The following SGCZ variants were observed in gnomAD, a reference collection of about 807,000 sequenced individuals.
The protein encoded by SGCZ is zeta-sarcoglycan.
A neutral mutation model predicts 41.3 loss-of-function variants in SGCZ; 40 were observed. The ratio of observed to expected loss-of-function variants is 0.97; its 90% CI spans 0.75 to 1.26. The LOEUF (loss-of-function observed/expected upper bound fraction) is 1.26, where lower values mean the gene tolerates loss of function less well. Among genes scored for constraint, SGCZ ranks in the 50% most tolerant of loss-of-function variants. The pLI, the probability that SGCZ is intolerant of heterozygous loss-of-function variation, is 0.00. For missense variants in SGCZ, 552 were observed against 369.8 expected (o/e 1.49, Z -4.04); for synonymous variants, 206 against 137.5 (o/e 1.50, Z -3.49).
intron 5 of SGCZ, among the ~76,000 whole-genome samples, chr8:14,159,789 T>G (rs1306773769): frequency 6.6e-6 from 1 of 152,106 alleles, no homozygotes; most frequent in Admixed American, 6.6e-5. Flanking sequence ...AATAGAAAGG[T>G]TGAGTCCAAA....
At chr8:14,436,350 G>A (rs914678052) in intron 2 of SGCZ, among the ~76,000 whole-genome samples, 1 of 152,126 alleles carries the variant, frequency 6.6e-6, no homozygotes, top group African/African-American at 2.4e-5. Context: ...TAAGGTTTGT[G>A]TTCTTTGTTC....
chr8:14,458,665 C>T (rs564783707), intron 2 of SGCZ, among the ~76,000 whole-genome samples: 170 of 152,208 alleles, frequency 1.1e-3, no homozygotes, highest in Non-Finnish European at 2.1e-3. Flanking sequence ...CTCTATCTAG[C>T]AACATATGGA....
intron 3 of SGCZ, among the ~76,000 whole-genome samples, chr8:14,288,600 A>C (rs1469629433): frequency 2.6e-5 from 4 of 152,166 alleles, no homozygotes; most frequent in African/African-American, 9.6e-5. Flanking sequence ...TTGAAATGCC[A>C]TATTATGTAA....
At chr8:15,186,027 T>C (rs996380695) in intron 1 of SGCZ, among the ~76,000 whole-genome samples, 2 of 150,522 alleles carry the variant, frequency 1.3e-5, no homozygotes, top group Admixed American at 6.6e-5. Flanking sequence ...GATGAGACCA[T>C]CCTGGCTAAC....
intron 4 of SGCZ, among the ~76,000 whole-genome samples, chr8:14,211,595 TA>T: frequency 6.6e-6 from 1 of 151,884 alleles, no homozygotes; most frequent in Non-Finnish European, 1.5e-5. Context: ...TCAGGAAACT[TA>T]AAATCATGGC....
At chr8:14,101,880 A>G (rs1802031870) in intron 7 of SGCZ, among the ~76,000 whole-genome samples, 1 of 151,404 alleles carries the variant, frequency 6.6e-6, no homozygotes, top group African/African-American at 2.4e-5. Context: ...TTACACAAAT[A>G]TGTACTTTTG....
At chr8:14,435,060 A>G (rs73188360) in intron 2 of SGCZ, among the ~76,000 whole-genome samples, 72,702 of 152,008 alleles carry the variant, frequency 0.48, 19,042 homozygotes, top group Non-Finnish European at 0.59. Context: ...AATTAGAATG[A>G]TGTATTTTGC....
chr8:14,481,335 C>G (rs910606983), intron 2 of SGCZ, among the ~76,000 whole-genome samples: 1 of 152,108 alleles, frequency 6.6e-6, no homozygotes, highest in African/African-American at 2.4e-5. Context: ...TCATACATGA[C>G]TTATAAGTAA....
At chr8:14,352,453 G>A (rs61599929) in intron 2 of SGCZ, among the ~76,000 whole-genome samples, 7 of 152,148 alleles carry the variant, frequency 4.6e-5, no homozygotes, top group African/African-American at 1.2e-4. Context: ...TAAAAGCCAA[G>A]AAAATTTGAC....
At chr8:14,442,915 C>G (rs374921529) in intron 2 of SGCZ, among the ~76,000 whole-genome samples, 2 of 152,036 alleles carry the variant, frequency 1.3e-5, no homozygotes, top group Non-Finnish European at 2.9e-5. Flanking sequence ...AAAACCCCAT[C>G]GTCTCAGCCC....
chr8:14,687,558 T>C (rs931995525), intron 1 of SGCZ, among the ~76,000 whole-genome samples: 4 of 151,814 alleles, frequency 2.6e-5, no homozygotes, highest in African/African-American at 9.7e-5. Flanking sequence ...TATTCCATGG[T>C]GTATATGTGC....
intron 7 of SGCZ, among the ~76,000 whole-genome samples, chr8:14,101,517 G>T (rs544170318): frequency 6.6e-6 from 1 of 152,180 alleles, no homozygotes; most frequent in Non-Finnish European, 1.5e-5. Flanking sequence ...CAATGACAAA[G>T]TATTATTTAA....
chr8:14,664,447 T>G (rs984780117), intron 1 of SGCZ, among the ~76,000 whole-genome samples: 1 of 152,192 alleles, frequency 6.6e-6, no homozygotes, highest in Non-Finnish European at 1.5e-5. Context: ...TTTAATTCGA[T>G]TGCATGAATT....
At chr8:14,982,224 C>T (rs766166759) in intron 1 of SGCZ, among the ~76,000 whole-genome samples, 15 of 151,530 alleles carry the variant, frequency 9.9e-5, no homozygotes, top group Non-Finnish European at 1.9e-4. Flanking sequence ...ATCATTTTTG[C>T]TGGACATTAG....
intron 2 of SGCZ, among the ~76,000 whole-genome samples, chr8:14,356,142 G>T (rs967038232): frequency 6.6e-6 from 1 of 152,128 alleles, no homozygotes. Flanking sequence ...GCAAGATTTT[G>T]CCCAACTGTA....
intron 2 of SGCZ, among the ~76,000 whole-genome samples, chr8:14,383,959 T>C (rs2117198623): frequency 6.6e-6 from 1 of 152,050 alleles, no homozygotes; most frequent in Non-Finnish European, 1.5e-5. Flanking sequence ...TTTCTTTTTT[T>C]TCTTTTTTTA....
intron 1 of SGCZ, among the ~76,000 whole-genome samples, chr8:15,003,135 A>G (rs1802486512): frequency 1.3e-5 from 2 of 152,174 alleles, no homozygotes; most frequent in Admixed American, 1.3e-4. Context: ...TAATATTAAA[A>G]GAGGTATATT....
At chr8:14,438,889 A>G (rs1432559324) in intron 2 of SGCZ, among the ~76,000 whole-genome samples, 1 of 152,056 alleles carries the variant, frequency 6.6e-6, no homozygotes, top group Non-Finnish European at 1.5e-5. Context: ...TAAATGACAG[A>G]GAGTATATTA....
chr8:14,715,741 G>T (rs1016942188), intron 1 of SGCZ, among the ~76,000 whole-genome samples: 2 of 152,034 alleles, frequency 1.3e-5, no homozygotes, highest in South Asian at 2.1e-4. Context: ...TACCAATAGA[G>T]ATCTGTCAGA....
Sources: gnomAD v4.1 joint callset for allele counts (sites outside exome capture counted in the v4.1 genomes callset) on GRCh38, gnomAD v4.1.1 for gene constraint, MANE v1.5 for transcripts, NCBI Gene and HGNC (gene_info 2026-07-23, HGNC 2026-07-21) for gene names.